ELP4: variants seen among roughly 807,000 people sequenced by gnomAD.
ELP4 encodes the protein elongator acetyltransferase complex subunit 4.
A neutral mutation model predicts 48.9 loss-of-function variants in ELP4; 51 were observed. That is an observed-to-expected ratio of 1.04 (90% CI 0.83 to 1.32). The LOEUF (loss-of-function observed/expected upper bound fraction) is 1.32, where lower values mean the gene tolerates loss of function less well. ELP4 is among the 40% of genes most tolerant of loss of function. The pLI is 0.00. For missense variants in ELP4, 519 were observed against 514.6 expected (o/e 1.01, Z -0.08); for synonymous variants, 210 against 189.2 (o/e 1.11, Z -0.90).
At chr11:31,532,965 G>A (rs1362954342) in intron 2 of ELP4, among the ~76,000 whole-genome samples, 1 of 151,554 alleles carries the variant, frequency 6.6e-6, no homozygotes, top group African/African-American at 2.4e-5. Context: ...TAGAGACAGG[G>A]TTTCATCATG....
intron 9 of ELP4, among the ~76,000 whole-genome samples, chr11:31,715,876 A>G (rs1409236010): frequency 6.6e-6 from 1 of 152,190 alleles, no homozygotes; most frequent in Non-Finnish European, 1.5e-5. Flanking sequence ...TGCTTTACTA[A>G]AATAAAATTC....
chr11:31,743,796 GA>G (rs1947514717), intron 9 of ELP4, among the ~76,000 whole-genome samples: 1 of 151,896 alleles, frequency 6.6e-6, no homozygotes, highest in Admixed American at 6.6e-5. Flanking sequence ...AAGAAAGCAG[GA>G]AAGATCTAAA....
At chr11:31,768,963 C>T (rs960597730) in intron 9 of ELP4, among the ~76,000 whole-genome samples, 1 of 152,144 alleles carries the variant, frequency 6.6e-6, no homozygotes, top group Admixed American at 6.5e-5. Context: ...AGAAATACTT[C>T]GCAGACACTC....
intron 9 of ELP4, among the ~76,000 whole-genome samples, chr11:31,678,116 A>C (rs1339703654): frequency 6.6e-6 from 1 of 151,950 alleles, no homozygotes; most frequent in Non-Finnish European, 1.5e-5. Flanking sequence ...AATTACGTAG[A>C]TTGTAGCTTC....
intron 5 of ELP4, among the ~76,000 whole-genome samples, chr11:31,622,272 AC>A (rs1944638911): frequency 6.6e-6 from 1 of 151,656 alleles, no homozygotes; most frequent in Non-Finnish European, 1.5e-5. Context: ...GTCTCCTGTT[AC>A]CCAGGGTTTT....
chr11:31,554,706 A>G (rs1344242240), intron 3 of ELP4, among the ~76,000 whole-genome samples: 1 of 152,158 alleles, frequency 6.6e-6, no homozygotes, highest in East Asian at 1.9e-4. Context: ...GAAGTTTTAT[A>G]GCCTTTGACA....
At chr11:31,782,448 C>T (rs1948398448) in intron 9 of ELP4, among the ~76,000 whole-genome samples, 1 of 152,218 alleles carries the variant, frequency 6.6e-6, no homozygotes, top group Non-Finnish European at 1.5e-5. Context: ...TTTAGCCTCC[C>T]ACACCACTTT....
chr11:31,770,493 T>C (rs1322604455), intron 9 of ELP4, among the ~76,000 whole-genome samples: 15 of 151,664 alleles, frequency 9.9e-5, no homozygotes, highest in South Asian at 2.1e-4. Context: ...AGCTGTGTTA[T>C]TTCAACTGTT....
At chr11:31,745,094 T>C (rs1406065825) in intron 9 of ELP4, among the ~76,000 whole-genome samples, 2 of 152,038 alleles carry the variant, frequency 1.3e-5, no homozygotes, top group East Asian at 1.9e-4. Flanking sequence ...TATACACCAT[T>C]AACAGACAAA....
intron 9 of ELP4, among the ~76,000 whole-genome samples, chr11:31,742,630 A>G (rs1277027117): frequency 1.3e-5 from 2 of 152,348 alleles, no homozygotes; most frequent in East Asian, 3.9e-4. Flanking sequence ...TCAACCCAGA[A>G]TCTCATATCC....
chr11:31,725,060 G>T (rs1026316576), intron 9 of ELP4, among the ~76,000 whole-genome samples: 2 of 152,152 alleles, frequency 1.3e-5, no homozygotes, highest in Admixed American at 6.5e-5. Flanking sequence ...GAAAAAGAGT[G>T]GGAATAGGCA....
At chr11:31,660,077 TTTAA>T (rs1945522681) in intron 9 of ELP4, among the ~76,000 whole-genome samples, 1 of 152,190 alleles carries the variant, frequency 6.6e-6, no homozygotes, top group Non-Finnish European at 1.5e-5. Context: ...ATTTCTTGTC[TTTAA>T]TTAATGAAAT....
chr11:31,618,164 TG>T (rs1211510164), intron 5 of ELP4, among the ~76,000 whole-genome samples: 1 of 152,128 alleles, frequency 6.6e-6, no homozygotes, highest in Non-Finnish European at 1.5e-5. Context: ...AATGAAGTAC[TG>T]ATACAGGGTA....
At chr11:31,712,609 T>G (rs544341106) in intron 9 of ELP4, among the ~76,000 whole-genome samples, 4 of 152,268 alleles carry the variant, frequency 2.6e-5, no homozygotes, top group Non-Finnish European at 5.9e-5. Flanking sequence ...ATTCTAGTGA[T>G]GTCAAATACA....
At chr11:31,678,399 T>C (rs1945975568) in intron 9 of ELP4, among the ~76,000 whole-genome samples, 1 of 152,040 alleles carries the variant, frequency 6.6e-6, no homozygotes, top group Non-Finnish European at 1.5e-5. Flanking sequence ...CAGAGAACCG[T>C]GGTCGCACAC....
rs533797179 is a variant in ELP4 at position 31,546,751 on chromosome 11, C to A, written c.381+6968C>A. On this transcript the variant is annotated intron_variant, in intron 3 of 9. Transcript: ENST00000640961. ...TAGTTGGAAGTAAAGCTCTCCTCAG[C>A]AAATGTAAAAGAACAGAAATTATAA... 2.0e-5 allele frequency among the ~76,000 whole-genome samples: 3 copies of A among 152,034 alleles called. No individual in the cohort carries two copies. In the East Asian group the frequency reaches 5.8e-4, roughly 30 times the overall value.
At chr11:31,585,951 G>A (rs1169522278) in intron 3 of ELP4, among the ~76,000 whole-genome samples, 1 of 152,180 alleles carries the variant, frequency 6.6e-6, no homozygotes. Context: ...CAGGATTGGT[G>A]GCATGTGCCT....
At chr11:31,612,349 A>T (rs1248626382) in intron 5 of ELP4, among the ~76,000 whole-genome samples, 1 of 152,158 alleles carries the variant, frequency 6.6e-6, no homozygotes, top group Non-Finnish European at 1.5e-5. Flanking sequence ...GTTTGGGTTG[A>T]ATCGAGAAAC....
intron 3 of ELP4, among the ~76,000 whole-genome samples, chr11:31,561,693 C>T (rs1358670866): frequency 6.6e-6 from 1 of 152,178 alleles, no homozygotes; most frequent in Non-Finnish European, 1.5e-5. Context: ...ATCCTCCCAC[C>T]TCAACCTCCC....
Sources: allele counts gnomAD v4.1 joint callset (sites outside exome capture counted in the v4.1 genomes callset), GRCh38; gene constraint gnomAD v4.1.1; transcripts MANE v1.5; gene names NCBI Gene and HGNC (gene_info 2026-07-23, HGNC 2026-07-21).